SEMA6D: variants seen among roughly 807,000 people sequenced by gnomAD.
SEMA6D encodes semaphorin-6D.
Under a neutral mutation model 106.6 loss-of-function variants are expected in SEMA6D, and 35 were observed. The ratio of observed to expected loss-of-function variants is 0.33; its 90% confidence interval spans 0.25 to 0.44. The LOEUF is 0.44. Among genes scored for constraint, SEMA6D ranks in the 20% least tolerant of loss-of-function variants. The pLI is 1.00. For synonymous variants in SEMA6D, 499 were observed against 487.7 expected, an observed-to-expected ratio of 1.02 and a Z score of -0.31; for missense variants, 1,185 against 1,345.9, an observed-to-expected ratio of 0.88 and a Z score of 1.87.
At chr15:47,683,859 T>C (rs1458181918) in intron 4 of SEMA6D, among the ~76,000 whole-genome samples, 3 of 152,194 alleles carry the variant, frequency 2.0e-5, no homozygotes, top group Non-Finnish European at 4.4e-5. Flanking sequence ...AGTTCAGGCC[T>C]TATAATGTAT....
At chr15:47,360,310 T>C (rs1002637431) in intron 1 of SEMA6D, among the ~76,000 whole-genome samples, 1 of 152,220 alleles carries the variant, frequency 6.6e-6, no homozygotes, top group African/African-American at 2.4e-5. Context: ...TGAGCCTGCA[T>C]AGCAGATAAG....
chr15:47,399,882 G>A (rs1396904511), intron 1 of SEMA6D, among the ~76,000 whole-genome samples: 1 of 152,188 alleles, frequency 6.6e-6, no homozygotes. Context: ...TGAAAGCATC[G>A]ATGTGTCAGG....
chr15:47,279,654 G>T (rs1446561556), intron 1 of SEMA6D, among the ~76,000 whole-genome samples: 1 of 151,996 alleles, frequency 6.6e-6, no homozygotes, highest in African/African-American at 2.4e-5. Context: ...TATGATATTG[G>T]CTGTGGGTTT....
chr15:47,731,542 A>C (rs992611096), intron 1 of SEMA6D, among the ~76,000 whole-genome samples: 2 of 152,232 alleles, frequency 1.3e-5, no homozygotes, highest in Admixed American at 1.3e-4. Flanking sequence ...GTACAGGTTG[A>C]TAAGTGTCTA....
intron 1 of SEMA6D, among the ~76,000 whole-genome samples, chr15:47,733,609 CAG>C (rs2146780381): frequency 6.6e-6 from 1 of 152,230 alleles, no homozygotes; most frequent in African/African-American, 2.4e-5. Context: ...CTTGTGAGTC[CAG>C]AGAGTCCGGG....
chr15:47,585,661 G>A (rs762700794), intron 3 of SEMA6D, among the ~76,000 whole-genome samples: 2 of 152,072 alleles, frequency 1.3e-5, no homozygotes, highest in Non-Finnish European at 2.9e-5. Context: ...CTAGGTGCGA[G>A]GCCAAACACA....
intron 1 of SEMA6D, among the ~76,000 whole-genome samples, chr15:47,332,949 A>G (rs990306340): frequency 3.9e-5 from 6 of 152,282 alleles, no homozygotes; most frequent in African/African-American, 4.8e-5. Flanking sequence ...GTGCCCATCT[A>G]TGGAGCTGGA....
intron 2 of SEMA6D, among the ~76,000 whole-genome samples, chr15:47,440,175 G>A (rs1344345355): frequency 1.3e-5 from 2 of 151,990 alleles, no homozygotes; most frequent in South Asian, 2.1e-4. Flanking sequence ...AGGGAGGAAC[G>A]TGTCTAAGAC....
At chr15:47,596,846 G>GA (rs1173325154) in intron 3 of SEMA6D, among the ~76,000 whole-genome samples, 1 of 151,716 alleles carries the variant, frequency 6.6e-6, no homozygotes, top group Admixed American at 6.6e-5. Context: ...AAACATAGGA[G>GA]AAAAAAACTA....
chr15:47,761,320 CT>C lies in SEMA6D; in HGVS notation c.346-7del. ...ATGTCTAATATTAATGTAACTACTACTTTCTTTAGGATGAATGCCACAACTT... is the reference window on the plus strand; with the variant it reads ...ATGTCTAATATTAATGTAACTACTACTTCTTTAGGATGAATGCCACAACTT... On this transcript the variant is annotated splice_polypyrimidine_tract_variant and intron_variant, in intron 5 of 18. Transcript: ENST00000536845. 1 of 1,611,434 alleles carries C rather than the reference CT, an allele frequency of 6.2e-7. No homozygotes were observed. Among genetic ancestry groups the C allele is most frequent in the Non-Finnish European group, 8.5e-7 (1 of 1,178,828 alleles).
chr15:47,682,643 T>C (rs916920846), intron 4 of SEMA6D, among the ~76,000 whole-genome samples: 1 of 152,244 alleles, frequency 6.6e-6, no homozygotes, highest in Non-Finnish European at 1.5e-5. Context: ...CTTGGATGCT[T>C]CTTTTCCAGG....
intron 1 of SEMA6D, among the ~76,000 whole-genome samples, chr15:47,385,692 AAAC>A (rs1411661816): frequency 6.6e-6 from 1 of 152,112 alleles, no homozygotes; most frequent in African/African-American, 2.4e-5. Flanking sequence ...TTTTTAAAAA[AAAC>A]AAGAATTATC....
chr15:47,726,761 T>C (rs1256156675), intron 1 of SEMA6D, among the ~76,000 whole-genome samples: 2 of 152,246 alleles, frequency 1.3e-5, no homozygotes, highest in East Asian at 3.8e-4. Flanking sequence ...GCTATAAATA[T>C]ATCAGTGTCT....
intron 1 of SEMA6D, among the ~76,000 whole-genome samples, chr15:47,334,761 C>T (rs1162113856): frequency 3.3e-5 from 5 of 152,090 alleles, no homozygotes; most frequent in African/African-American, 1.2e-4. Context: ...CCTGGTCACC[C>T]ATGGTACAAA....
intron 1 of SEMA6D, among the ~76,000 whole-genome samples, chr15:47,331,887 A>G (rs1322405149): frequency 6.6e-6 from 1 of 152,208 alleles, no homozygotes; most frequent in Non-Finnish European, 1.5e-5. Flanking sequence ...GTGTGTTTAC[A>G]GTTCTCGTAT....
intron 6 of SEMA6D, 58 bp downstream of exon 6, chr15:47,761,489 T>G: frequency 2.8e-6 from 4 of 1,410,106 alleles, no homozygotes; most frequent in Non-Finnish European, 2.0e-6. Flanking sequence ...TTCACTGATA[T>G]GCTGTTAGAG....
chr15:47,638,858 T>G (rs904491584), intron 4 of SEMA6D, among the ~76,000 whole-genome samples: 1 of 152,246 alleles, frequency 6.6e-6, no homozygotes, highest in African/African-American at 2.4e-5. Flanking sequence ...GTTGGCTGGC[T>G]GTTTGCTTTC....
intron 1 of SEMA6D, among the ~76,000 whole-genome samples, chr15:47,336,764 G>T (rs975071784): frequency 1.3e-5 from 2 of 152,114 alleles, no homozygotes; most frequent in African/African-American, 4.8e-5. Flanking sequence ...AAACAGTGTG[G>T]GGTGCTGTTG....
At chr15:47,743,738 G>A (rs2080955307) in intron 1 of SEMA6D, among the ~76,000 whole-genome samples, 1 of 152,148 alleles carries the variant, frequency 6.6e-6, no homozygotes, top group African/African-American at 2.4e-5. Flanking sequence ...GAAAGGTGGA[G>A]AAAGCTGAGT....
Sources: gnomAD v4.1 joint callset for allele counts (sites outside exome capture counted in the v4.1 genomes callset) on GRCh38, gnomAD v4.1.1 for gene constraint, MANE v1.5 for transcripts, NCBI Gene and HGNC (gene_info 2026-07-23, HGNC 2026-07-21) for gene names.